LIMS2: variants seen among roughly 807,000 people sequenced by gnomAD.
LIMS2 encodes the protein LIM and senescent cell antigen-like-containing domain protein 2.
Under a neutral mutation model 45.3 loss-of-function variants are expected in LIMS2, and 30 were observed. The ratio of observed to expected loss-of-function variants is 0.66; its 90% CI spans 0.50 to 0.90. LIMS2 has a LOEUF of 0.90. Among genes scored for constraint, LIMS2 ranks in the 40% least tolerant of loss-of-function variants. The pLI is 0.00. For synonymous variants in LIMS2, 173 were observed against 188.0 expected, an observed-to-expected ratio of 0.92 and a Z score of 0.65; for missense variants, 485 against 468.7, an observed-to-expected ratio of 1.03 and a Z score of -0.32.
chr2:127,650,646 C>T, intron 4 of LIMS2: 1 of 1,117,782 alleles, frequency 8.9e-7, no homozygotes, highest in East Asian at 2.4e-5. Flanking sequence ...GGCCTGACTT[C>T]TGGACTTCAG....
At chr2:127,641,135 G>A in intron 6 of LIMS2, 147 bp from the exon 7 acceptor site, 2 of 633,968 alleles carry the variant, frequency 3.2e-6, no homozygotes, top group South Asian at 1.8e-5. Context: ...GACAGAAGGG[G>A]ACAGAAAGCA....
intron 4 of LIMS2, among the ~76,000 whole-genome samples, chr2:127,643,824 ATCTC>A (rs573844437): frequency 6.6e-6 from 1 of 151,984 alleles, no homozygotes; most frequent in East Asian, 1.9e-4. Context: ...TGCCACCCGA[ATCTC>A]TCTCTGGTGC....
upstream of LIMS2, among the ~76,000 whole-genome samples, chr2:127,679,517 T>C (rs1298434100): frequency 6.6e-6 from 1 of 151,706 alleles, no homozygotes; most frequent in South Asian, 2.1e-4. The surrounding 1 kb of genome is among the most constrained non-coding windows in gnomAD (Gnocchi z 5.3). Flanking sequence ...GTGAAGGAGG[T>C]GCAGCATCTC....
chr2:127,675,865 C>T (rs536649445), upstream of LIMS2, among the ~76,000 whole-genome samples: 215 of 152,350 alleles, frequency 1.4e-3, no homozygotes, highest in African/African-American at 4.7e-3. Flanking sequence ...GCTGCTTTCC[C>T]CGGGAAATTC....
At chr2:127,669,613 G>A (rs1685188080) in intron 1 of LIMS2, among the ~76,000 whole-genome samples, 1 of 152,056 alleles carries the variant, frequency 6.6e-6, no homozygotes, top group African/African-American at 2.4e-5. Flanking sequence ...AGCTACTGGA[G>A]GGGCTGAGGC....
chr2:127,641,045 G>T, intron 6 of LIMS2, 57 bp from the exon 7 acceptor site: 4 of 1,419,012 alleles, frequency 2.8e-6, no homozygotes, highest in Middle Eastern at 1.8e-4. Flanking sequence ...GACCCCGAGG[G>T]ACAGTGGTGA....
chr2:127,643,303 G>A, intron 4 of LIMS2: 1 of 585,198 alleles, frequency 1.7e-6, no homozygotes, highest in Non-Finnish European at 3.1e-6. Context: ...AATGCTCGAG[G>A]TTACTGTCTC....
chr2:127,640,090 G>A lies in LIMS2; in HGVS notation c.858C>T (p.Cys286=). 3.1e-6 allele frequency: 5 copies of A among 1,613,536 alleles called. No individual in the cohort carries two copies. The highest frequency in any genetic ancestry group is 1.1e-5 in the South Asian group (1 of 91,086). Residue 286 remains cysteine, a synonymous_variant, in exon 9 of 10, where the codon TGC becomes TGT. Coordinates refer to ENST00000355119, the MANE Select transcript of LIMS2 (RefSeq NM_001161403.3). ...WCVSCFSCST[C]NSKLTLKNKF... ...CTCACTTCAGGGTGAGCTTGCTGTT[G>A]CAGGTGGAGCAGGAGAAGCAGCTCA...
chr2:127,654,706 G>T, intron 3 of LIMS2, 124 bp downstream of exon 3: 2 of 1,464,044 alleles, frequency 1.4e-6, no homozygotes, highest in Non-Finnish European at 1.9e-6. Context: ...CTGCCGCTCA[G>T]AGAGGCAAGG....
intron 1 of LIMS2, among the ~76,000 whole-genome samples, chr2:127,662,052 G>A (rs549036265): frequency 2.0e-4 from 31 of 152,314 alleles, no homozygotes; most frequent in African/African-American, 7.0e-4. Flanking sequence ...CACCCAAGAT[G>A]AGCAAGTGTT....
At chr2:127,655,412 AC>A (rs1684190295) in intron 2 of LIMS2, 1 of 163,990 alleles carries the variant, frequency 6.1e-6, no homozygotes, top group Non-Finnish European at 1.3e-5. Context: ...CAGTGTGCAC[AC>A]CCTCCAGGCG....
Position 127,667,906 on chromosome 2 carries a change from A to G in LIMS2, c.11+7108T>C, listed in dbSNP as rs1203522047. On this transcript the variant is annotated intron_variant, in intron 1 of 9. Coordinates refer to ENST00000355119, the MANE Select transcript of LIMS2 (RefSeq NM_001161403.3). This position sits in a 1 kb window ranked among gnomAD's most constrained non-coding sequence, Gnocchi z 4.1. ...AGAGTAAAACTATTTTTATTTACAT[A>G]TTACATACTCATATATAGAAAACTC... 6.6e-6 allele frequency among the ~76,000 whole-genome samples: 1 copy of G among 152,242 alleles called. No homozygotes were observed.
rs1322233956 is a variant in LIMS2, at chr2:127,642,221, C to T, written c.510-22G>A. On this transcript the variant is annotated intron_variant, in intron 5 of 9. Transcript: ENST00000355119. This position sits in a 1 kb window ranked among gnomAD's most constrained non-coding sequence, Gnocchi z 5.3. Reference sequence around the variant, plus strand: ...CTTCCTGGAAGACAGCGTGCAGCCCCCAGGTGCCACCCCTGCCCTTCTGCA... The same window carrying T: ...CTTCCTGGAAGACAGCGTGCAGCCCTCAGGTGCCACCCCTGCCCTTCTGCA... The T allele has an allele frequency of 6.6e-7, 1 of 1,506,462 alleles. No homozygotes were observed. Among genetic ancestry groups the T allele is most frequent in the East Asian group, 2.5e-5 (1 of 40,606 alleles). The allele number at this position is 1,506,462 out of a possible 1,614,324, so 93.3% of individuals were successfully genotyped here.
intron 1 of LIMS2, among the ~76,000 whole-genome samples, chr2:127,660,420 T>C (rs1684548593): frequency 6.6e-6 from 1 of 152,192 alleles, no homozygotes; most frequent in Non-Finnish European, 1.5e-5. Flanking sequence ...TGAGCTGTAA[T>C]GTTCACAGCG....
In LIMS2 at chr2:127,639,332, C is replaced by A; in HGVS notation, c.975G>T (p.Glu325Asp). The A allele has an allele frequency of 6.2e-7, 1 of 1,613,970 alleles. No homozygotes were observed. Among genetic ancestry groups the A allele is most frequent in the South Asian group, 1.1e-5 (1 of 91,090 alleles). The change falls in exon 10 of 10, where the codon GAG becomes GAT. Residue 325 changes from glutamate to aspartate, a missense_variant. Physicochemically the swap from Glu to Asp is conservative, Grantham distance 45 (BLOSUM62 2). Coordinates refer to ENST00000355119, the MANE Select transcript of LIMS2 (RefSeq NM_001161403.3). Reference protein sequence around the residue: ...ELKKRLKKLSELTSRKAQPKA... With the variant: ...ELKKRLKKLSDLTSRKAQPKA... ...TGGGCTGGGCCTTGCGGGAGGTCAG[C>A]TCCGACAGCTTCTTCAGCCGCTTCT...
At chr2:127,668,895 C>T (rs757010893) in intron 1 of LIMS2, among the ~76,000 whole-genome samples, 16 of 151,502 alleles carry the variant, frequency 1.1e-4, no homozygotes, top group Non-Finnish European at 8.8e-5. Flanking sequence ...AATTCAAGAC[C>T]AGCCTGGGCA....
intron 1 of LIMS2, among the ~76,000 whole-genome samples, chr2:127,659,047 C>T (rs1018463166): frequency 2.6e-5 from 4 of 151,928 alleles, no homozygotes; most frequent in African/African-American, 9.7e-5. Flanking sequence ...TAGGATGAGT[C>T]CAGGGGTGGA....
At chr2:127,663,003 C>G (rs1684777127) in intron 1 of LIMS2, among the ~76,000 whole-genome samples, 1 of 152,156 alleles carries the variant, frequency 6.6e-6, no homozygotes, top group Non-Finnish European at 1.5e-5. Context: ...AAAGAACTGA[C>G]AAAGGACATG....
chr2:127,657,214 G>A (rs1189961620), intron 2 of LIMS2, among the ~76,000 whole-genome samples, 189 bp downstream of exon 2: 1 of 152,230 alleles, frequency 6.6e-6, no homozygotes, highest in Non-Finnish European at 1.5e-5. Flanking sequence ...TTAGCACCCA[G>A]GGCACCTGGG....
Sources: gnomAD v4.1 joint callset for allele counts (sites outside exome capture counted in the v4.1 genomes callset) on GRCh38, gnomAD v4.1.1 for gene constraint, Gnocchi (gnomAD v3.1) non-coding constraint, MANE v1.5 for transcripts, NCBI Gene and HGNC (gene_info 2026-07-23, HGNC 2026-07-21) for gene names.